Variants in TRHDE observed in about 807,000 individuals in gnomAD.
TRHDE encodes the protein thyrotropin releasing hormone degrading enzyme, also known as thyrotropin-releasing hormone-degrading ectoenzyme.
In TRHDE, 72 loss-of-function variants were observed where a neutral mutation model predicts 125.7. The ratio of observed to expected loss-of-function variants is 0.57; its 90% confidence interval spans 0.47 to 0.70. The LOEUF (loss-of-function observed/expected upper bound fraction) is 0.70. Among genes scored for constraint, TRHDE ranks in the 30% least tolerant of loss-of-function variants. TRHDE has a pLI of 0.00. For synonymous variants in TRHDE, 509 were observed against 509.1 expected (o/e 1.00, Z 0.00); for missense variants, 1,110 against 1,327.1 (o/e 0.84, Z 2.54).
At chr12:72,302,246 A>ATGTGTGTGTGTG (rs10581163) in intron 2 of TRHDE, among the ~76,000 whole-genome samples, 3 of 149,240 alleles carry the variant, frequency 2.0e-5, no homozygotes, top group African/African-American at 4.9e-5. Context: ...GTGTGTGTGT[A>ATGTGTGTGTGTG]TGTGTGTGTG....
intron 6 of TRHDE, among the ~76,000 whole-genome samples, chr12:72,525,275 A>G (rs1240951759): frequency 6.6e-6 from 1 of 152,166 alleles, no homozygotes; most frequent in Non-Finnish European, 1.5e-5. Flanking sequence ...TAAAATAAGA[A>G]TAAAATAACT....
At chr12:72,405,782 G>A (rs1873241149) in intron 3 of TRHDE, among the ~76,000 whole-genome samples, 1 of 152,176 alleles carries the variant, frequency 6.6e-6, no homozygotes, top group South Asian at 2.1e-4. Flanking sequence ...ATATTCTCAA[G>A]CAAGTTGGCA....
At chr12:72,226,674 G>C (rs1191875150) in intron 2 of TRHDE, among the ~76,000 whole-genome samples, 1 of 152,148 alleles carries the variant, frequency 6.6e-6, no homozygotes, top group Non-Finnish European at 1.5e-5. Flanking sequence ...ATACACTAAA[G>C]TGATAAATAG....
chr12:72,404,721 G>C (rs1187494139), intron 3 of TRHDE, among the ~76,000 whole-genome samples: 1 of 152,052 alleles, frequency 6.6e-6, no homozygotes, highest in African/African-American at 2.4e-5. Context: ...CTCCCATCAG[G>C]TCCTTCTCAC....
At chr12:72,596,281 G>A (rs964276941) in intron 12 of TRHDE, among the ~76,000 whole-genome samples, 1 of 152,038 alleles carries the variant, frequency 6.6e-6, no homozygotes, top group Non-Finnish European at 1.5e-5. Context: ...TGGCTTGAGA[G>A]CAAAGAACCT....
intron 2 of TRHDE, among the ~76,000 whole-genome samples, chr12:72,145,280 A>G (rs959413015): frequency 1.3e-5 from 2 of 152,166 alleles, no homozygotes; most frequent in Non-Finnish European, 2.9e-5. Flanking sequence ...TAGAAATATA[A>G]TATTCTCTAG....
At chr12:72,262,734 CCTTTA>C (rs1565675873) in intron 2 of TRHDE, 3 of 152,146 alleles carry the variant, frequency 2.0e-5, no homozygotes, top group Middle Eastern at 6.8e-3. Flanking sequence ...TGAAACAAAT[CCTTTA>C]CTTTAAATAG....
intron 3 of TRHDE, among the ~76,000 whole-genome samples, chr12:72,388,161 G>A (rs1872504885): frequency 6.6e-6 from 1 of 151,898 alleles, no homozygotes; most frequent in South Asian, 2.1e-4. Context: ...TCTTCCCTCA[G>A]CCTAAAACAT....
At chr12:72,572,904 AGTTACT>A (rs1870814753) in intron 10 of TRHDE, among the ~76,000 whole-genome samples, 1 of 152,056 alleles carries the variant, frequency 6.6e-6, no homozygotes, top group African/African-American at 2.4e-5. Context: ...TTAAAAATAT[AGTTACT>A]GTTACAGGAA....
In TRHDE at chr12:72,477,990, A is replaced by G. The variant is rs570421585; in HGVS notation, c.1584+4810A>G. ...GGGAAGGTAAAGAGCTTCACGCACC[A>G]AAAACATTATAAGTTATACTTTGAT... On this transcript the variant is annotated intron_variant, in intron 5 of 18. Coordinates refer to ENST00000261180, the MANE Select transcript of TRHDE (RefSeq NM_013381.3). Among the ~76,000 whole-genome samples the G allele has an allele frequency of 1.1e-3, 174 of 152,336 alleles. 2 individuals carry two copies. Among genetic ancestry groups the G allele is most frequent in the African/African-American group, 3.8e-3 (158 of 41,588 alleles).
chr12:72,537,439 G>A (rs1050766658), intron 6 of TRHDE, among the ~76,000 whole-genome samples: 1 of 151,986 alleles, frequency 6.6e-6, no homozygotes, highest in Non-Finnish European at 1.5e-5. Flanking sequence ...TTTCATAAGT[G>A]GTAGTTTTTC....
At chr12:72,380,816 TTA>T in intron 3 of TRHDE, among the ~76,000 whole-genome samples, 2 of 140,642 alleles carry the variant, frequency 1.4e-5, no homozygotes, top group African/African-American at 2.7e-5. Flanking sequence ...CCTTCCTTCC[TTA>T]TTCCCTCCCT....
At chr12:72,500,707 G>A (rs996613972) in intron 6 of TRHDE, among the ~76,000 whole-genome samples, 28 of 152,006 alleles carry the variant, frequency 1.8e-4, no homozygotes, top group African/African-American at 6.5e-4. Flanking sequence ...TACTATTCTC[G>A]ATACTCTGTG....
chr12:72,354,226 A>C (rs1440621478), intron 2 of TRHDE, among the ~76,000 whole-genome samples: 1 of 151,700 alleles, frequency 6.6e-6, no homozygotes, highest in African/African-American at 2.4e-5. Context: ...TCTAAAATAC[A>C]CACAAAATGC....
intron 2 of TRHDE, among the ~76,000 whole-genome samples, chr12:72,167,082 A>G (rs1876768493): frequency 6.6e-6 from 1 of 152,028 alleles, no homozygotes; most frequent in African/African-American, 2.4e-5. Flanking sequence ...GTCCTTTATG[A>G]TTACTCTCCA....
In TRHDE at chr12:72,665,189, T is replaced by G. The variant is rs1333329791; in HGVS notation, c.*1994T>G. Reference sequence around the variant, plus strand: ...TAATAGATAAGAAAAAAATTAGAGGTGGATGTCTTGTTTTGTGTCATGAAT... The same window carrying G: ...TAATAGATAAGAAAAAAATTAGAGGGGGATGTCTTGTTTTGTGTCATGAAT... On this transcript the variant is annotated 3_prime_UTR_variant, in exon 19 of 19. Transcript: ENST00000261180. 3 of 152,062 alleles carry G rather than the reference T, an allele frequency of 2.0e-5. No homozygotes were observed. Among genetic ancestry groups the G allele is most frequent in the African/African-American group, 7.2e-5 (3 of 41,418 alleles). The allele number at this position is 152,062 out of a possible 1,614,324, so 9.4% of individuals were successfully genotyped here. A position where few individuals can be genotyped will look rare whatever the true frequency, so the allele number is the denominator to read the frequency against.
intron 2 of TRHDE, among the ~76,000 whole-genome samples, chr12:72,297,541 A>G (rs915715198): frequency 6.6e-6 from 1 of 152,228 alleles, no homozygotes. Flanking sequence ...GGTTGGGAGA[A>G]TCTCTGAAAA....
intron 2 of TRHDE, among the ~76,000 whole-genome samples, chr12:72,126,998 C>T (rs928282238): frequency 2.6e-5 from 4 of 152,050 alleles, no homozygotes; most frequent in African/African-American, 9.7e-5. Context: ...AACAATTAAA[C>T]AAGCAAAAAC....
intron 12 of TRHDE, chr12:72,582,427 G>T: frequency 3.0e-6 from 3 of 985,208 alleles, no homozygotes; most frequent in Non-Finnish European, 3.6e-6. Flanking sequence ...GAAGTAATTT[G>T]CTCCTTTTGG....
Sources: allele counts gnomAD v4.1 joint callset (sites outside exome capture counted in the v4.1 genomes callset), GRCh38; gene constraint gnomAD v4.1.1; transcripts MANE v1.5; gene names NCBI Gene and HGNC (gene_info 2026-07-23, HGNC 2026-07-21).